The following ZFYVE1 variants were observed in gnomAD, a reference collection of about 807,000 sequenced individuals.
The protein encoded by ZFYVE1 is zinc finger FYVE domain-containing protein 1.
Under a neutral mutation model 74.4 loss-of-function variants are expected in ZFYVE1, and 30 were observed. The observed-to-expected ratio is 0.40, with a 90% confidence interval of 0.30 to 0.55. The LOEUF (loss-of-function observed/expected upper bound fraction) is 0.55, where lower values mean the gene tolerates loss of function less well. Among genes scored for constraint, ZFYVE1 ranks in the 20% least tolerant of loss-of-function variants. The pLI, the probability that ZFYVE1 is intolerant of heterozygous loss-of-function variation, is 0.42. For synonymous variants in ZFYVE1, 335 were observed against 385.1 expected, an observed-to-expected ratio of 0.87 and a Z score of 1.52; for missense variants, 703 against 1,011.6, an observed-to-expected ratio of 0.69 and a Z score of 4.14.
chr14:73,001,335 CT>C, intron 2 of ZFYVE1, among the ~76,000 whole-genome samples: 1 of 152,208 alleles, frequency 6.6e-6, no homozygotes, highest in Non-Finnish European at 1.5e-5. Flanking sequence ...TGGAGAAAAA[CT>C]ATTACGATAG....
chr14:72,976,931 G>C (rs890581384), intron 8 of ZFYVE1, among the ~76,000 whole-genome samples: 1 of 152,212 alleles, frequency 6.6e-6, no homozygotes, highest in African/African-American at 2.4e-5. Context: ...CAATGACACA[G>C]AGTAAAATAA....
chr14:73,026,865 G>C (rs538269829), intron 1 of ZFYVE1, 61 bp downstream of exon 1: 1 of 128,732 alleles, frequency 7.8e-6, no homozygotes, highest in South Asian at 2.6e-4. Flanking sequence ...ACGATCACTC[G>C]CCCCGCGCTG....
chr14:73,022,370 C>T (rs2140391705), intron 2 of ZFYVE1, among the ~76,000 whole-genome samples: 1 of 152,254 alleles, frequency 6.6e-6, no homozygotes, highest in African/African-American at 2.4e-5. Context: ...ATTAGGCAGC[C>T]TCTCAAATGG....
intron 4 of ZFYVE1, among the ~76,000 whole-genome samples, chr14:72,989,372 A>G (rs534663501): frequency 9.2e-5 from 14 of 152,192 alleles, no homozygotes; most frequent in Non-Finnish European, 1.9e-4. Context: ...TATAACATAT[A>G]TTTATGCATG....
At position 72,974,940 on chromosome 14, in the gene ZFYVE1, G is replaced by T. The variant is rs757171387; in HGVS notation, c.1826C>A (p.Thr609Lys). The T allele has an allele frequency of 1.9e-6, 3 of 1,611,820 alleles. No individual in the cohort carries two copies. Among genetic ancestry groups the T allele is most frequent in the Non-Finnish European group, 2.5e-6 (3 of 1,178,134 alleles). Residue 609 changes from threonine to lysine, a missense_variant, in exon 10 of 12, where the codon ACG becomes AAG. Physicochemically the swap from Thr to Lys is moderately conservative, Grantham distance 78. Coordinates refer to ENST00000556143, the MANE Select transcript of ZFYVE1 (RefSeq NM_021260.4). ...SQILSCNKCA[T>K]SFKDNDTKHH... Reference sequence around the variant, plus strand: ...CTTAGTGTCGTTATCTTTAAAGGACGTCGCACACTTGTTGCAGCTCTGTTC... The same window carrying T: ...CTTAGTGTCGTTATCTTTAAAGGACTTCGCACACTTGTTGCAGCTCTGTTC...
intron 2 of ZFYVE1, among the ~76,000 whole-genome samples, chr14:73,002,352 A>T (rs1008767718): frequency 6.6e-6 from 1 of 152,260 alleles, no homozygotes; most frequent in African/African-American, 2.4e-5. Context: ...AGGACTGTAC[A>T]ACTTTATGAA....
In ZFYVE1 at chr14:73,010,609, A is replaced by G. The variant is rs958570142; in HGVS notation, c.484-12294T>C. ...GAGTGAAACTCCGTCTCAAAAAAAA[A>G]AATGCAAAAAATTAGCCAGGCATGG... On this transcript the variant is annotated intron_variant, in intron 2 of 11. Transcript: ENST00000556143. Among the ~76,000 whole-genome samples the G allele has an allele frequency of 4.0e-5, 6 of 151,874 alleles. No individual in the cohort carries two copies. The East Asian group carries it at 7.7e-4, about 20-fold the overall frequency.
At chr14:72,977,146 G>A (rs1386366476) in intron 8 of ZFYVE1, among the ~76,000 whole-genome samples, 2 of 152,166 alleles carry the variant, frequency 1.3e-5, no homozygotes, top group Non-Finnish European at 2.9e-5. Context: ...GGTGGCTCAC[G>A]CCCATAATCC....
intron 2 of ZFYVE1, among the ~76,000 whole-genome samples, chr14:73,006,693 TC>T (rs1400034216): frequency 5.7e-5 from 8 of 139,806 alleles, no homozygotes; most frequent in African/African-American, 2.1e-4. Context: ...TACTCAATGA[TC>T]CCCCACCCCA....
intron 4 of ZFYVE1, among the ~76,000 whole-genome samples, chr14:72,985,029 T>C (rs984586024): frequency 6.6e-6 from 1 of 152,186 alleles, no homozygotes; most frequent in Admixed American, 6.5e-5. Flanking sequence ...CTAGGCTTCT[T>C]TCATCCCATC....
intron 2 of ZFYVE1, among the ~76,000 whole-genome samples, chr14:73,013,611 G>GA (rs1321686015): frequency 6.6e-6 from 1 of 150,848 alleles, no homozygotes; most frequent in Non-Finnish European, 1.5e-5. Context: ...AAAAAAAAAA[G>GA]AAAAAAACAA....
intron 11 of ZFYVE1, among the ~76,000 whole-genome samples, chr14:72,973,589 A>G (rs959545450): frequency 6.6e-6 from 1 of 152,204 alleles, no homozygotes; most frequent in African/African-American, 2.4e-5. Context: ...TCATTTAAGA[A>G]GTGCCAAAGA....
chr14:72,983,341 T>A (rs1329217184), intron 4 of ZFYVE1, among the ~76,000 whole-genome samples: 5 of 124,756 alleles, frequency 4.0e-5, no homozygotes, highest in Non-Finnish European at 6.8e-5. Flanking sequence ...ATGCTATCCT[T>A]CCCCCCTCCC....
At chr14:73,019,982 C>T (rs1031499806) in intron 2 of ZFYVE1, among the ~76,000 whole-genome samples, 3 of 151,506 alleles carry the variant, frequency 2.0e-5, no homozygotes, top group African/African-American at 4.9e-5. Flanking sequence ...TTATGTCGGG[C>T]GCAGTGGCTC....
At chr14:73,016,575 G>A (rs1385309374) in intron 2 of ZFYVE1, among the ~76,000 whole-genome samples, 1 of 151,792 alleles carries the variant, frequency 6.6e-6, no homozygotes, top group African/African-American at 2.4e-5. Context: ...CAGTTCCACC[G>A]AGGCCTAGAA....
At chr14:73,014,139 GTAGT>G (rs1224730991) in intron 2 of ZFYVE1, among the ~76,000 whole-genome samples, 1 of 146,086 alleles carries the variant, frequency 6.8e-6, no homozygotes, top group Non-Finnish European at 1.6e-5. Context: ...GTGTCTTAAA[GTAGT>G]TAAAGACAGG....
intron 3 of ZFYVE1, among the ~76,000 whole-genome samples, chr14:72,996,126 T>C (rs1893743217): frequency 6.6e-6 from 1 of 152,028 alleles, no homozygotes; most frequent in African/African-American, 2.4e-5. Context: ...GGGGAGGGGC[T>C]GCATTCAGTG....
rs548233107 is a variant in ZFYVE1, at chr14:72,969,999, CAG to C, written c.*881_*882del. On this transcript the variant is annotated 3_prime_UTR_variant, in exon 12 of 12. Coordinates refer to ENST00000556143, the MANE Select transcript of ZFYVE1 (RefSeq NM_021260.4). Reference sequence around the variant, plus strand: ...GCAATGAAAATCCTAGTGCGACACTCAGAAGCAGATGGTGGGCTTGAGGGGGC... The same window carrying C: ...GCAATGAAAATCCTAGTGCGACACTCAAGCAGATGGTGGGCTTGAGGGGGC... 22 of 473,616 alleles carry C rather than the reference CAG, an allele frequency of 4.6e-5. No homozygotes were observed. In the South Asian group the frequency reaches 6.5e-4, roughly 14 times the overall value. The allele number at this position is 473,616 out of a possible 1,614,324, so 29.3% of individuals were successfully genotyped here.
At chr14:72,979,759 C>A (rs1893275444) in intron 5 of ZFYVE1, among the ~76,000 whole-genome samples, 1 of 151,784 alleles carries the variant, frequency 6.6e-6, no homozygotes, top group South Asian at 2.1e-4. Flanking sequence ...AGAGAGGAAA[C>A]CTGAACGTCT....
Sources: gnomAD v4.1 joint callset for allele counts (sites outside exome capture counted in the v4.1 genomes callset) on GRCh38, gnomAD v4.1.1 for gene constraint, MANE v1.5 for transcripts, NCBI Gene and HGNC (gene_info 2026-07-23, HGNC 2026-07-21) for gene names.